Variants in PARM1 observed in about 807,000 individuals in gnomAD.
The protein encoded by PARM1 is WSC4, cell wall integrity and stress response component 4 homolog.
Under a neutral mutation model 24.6 loss-of-function variants are expected in PARM1, and 14 were observed. That is an observed-to-expected ratio of 0.57 (90% CI 0.38 to 0.89). The LOEUF is 0.89. PARM1 is among the 40% of genes least tolerant of loss of function. PARM1 has a pLI of 0.00. For synonymous variants in PARM1, 179 were observed against 156.6 expected (o/e 1.14, Z -1.07); for missense variants, 362 against 380.4 (o/e 0.95, Z 0.40).
In PARM1 at chr4:75,012,898, G is replaced by A. The variant is rs192705593; in HGVS notation, c.517G>A (p.Val173Ile). ...ACCACCTGAGGTCTTTTCTGCCTCC[G>A]TTACTACCAACCATAGCTCCACTGT... ...TSPPEVFSAS[V>I]TTNHSSTVTS... Residue 173 changes from valine (V) to isoleucine (I), a missense_variant, in exon 2 of 4, where the codon GTT becomes ATT. Physicochemically the swap from Val to Ile is conservative, Grantham distance 29. Coordinates refer to ENST00000307428, the MANE Select transcript of PARM1 (RefSeq NM_015393.4). 7.6e-4 allele frequency: 1,221 copies of A among 1,613,826 alleles called. 3 individuals are homozygous for A. Among genetic ancestry groups the A allele is most frequent in the Admixed American group, 1.0e-3 (60 of 60,016 alleles).
Position 75,012,789 on chromosome 4 carries a change from T to C in PARM1, c.408T>C (p.Ala136=), listed in dbSNP as rs912043757. The C allele has an allele frequency of 1.3e-5, 21 of 1,613,996 alleles. No homozygotes were observed. The highest frequency in any genetic ancestry group is 1.6e-5 in the Non-Finnish European group (19 of 1,179,884). ...GCACTCCTGAAGCAGGCGTGGCAGCTACACTGTCGCAGTCCGCTGCTGAGC... is the reference window on the plus strand; with the variant it reads ...GCACTCCTGAAGCAGGCGTGGCAGCCACACTGTCGCAGTCCGCTGCTGAGC... ...SSGTPEAGVA[A]TLSQSAAEPP... is the part of the protein sequence containing the mutation. Residue 136 remains alanine (A), a synonymous_variant, in exon 2 of 4, where the codon GCT becomes GCC. Coordinates refer to ENST00000307428, the MANE Select transcript of PARM1 (RefSeq NM_015393.4).
chr4:74,951,639 A>G (rs1041114302), intron 1 of PARM1, among the ~76,000 whole-genome samples: 3 of 151,186 alleles, frequency 2.0e-5, no homozygotes, highest in African/African-American at 4.9e-5. Flanking sequence ...CTCTGTGTCC[A>G]TGTGTTCTTA....
chr4:74,974,430 G>A (rs1722100393), intron 1 of PARM1, among the ~76,000 whole-genome samples: 1 of 152,154 alleles, frequency 6.6e-6, no homozygotes, highest in South Asian at 2.1e-4. Flanking sequence ...GAGAAGACTT[G>A]TCCAGTTTTT....
chr4:74,976,580 C>T (rs1294224984), intron 1 of PARM1, among the ~76,000 whole-genome samples: 1 of 152,228 alleles, frequency 6.6e-6, no homozygotes, highest in African/African-American at 2.4e-5. Context: ...CAGTGCAGGG[C>T]ACCTGCTCTG....
intron 3 of PARM1, among the ~76,000 whole-genome samples, chr4:75,043,298 T>A (rs1723536922): frequency 1.3e-5 from 2 of 152,242 alleles, no homozygotes; most frequent in Non-Finnish European, 2.9e-5. Flanking sequence ...TTGTATAAGA[T>A]TTATTATATT....
chr4:74,952,885 C>T (rs1296852876), intron 1 of PARM1, among the ~76,000 whole-genome samples: 1 of 152,134 alleles, frequency 6.6e-6, no homozygotes, highest in Non-Finnish European at 1.5e-5. Flanking sequence ...TCTTTCTTTA[C>T]CTGCTTCCTT....
chr4:75,017,287 A>G (rs1006224164), intron 2 of PARM1, among the ~76,000 whole-genome samples: 1 of 152,172 alleles, frequency 6.6e-6, no homozygotes, highest in African/African-American at 2.4e-5. Flanking sequence ...AGAAAAAGCC[A>G]AAGTCTCTAC....
chr4:74,947,663 A>G (rs910809962), intron 1 of PARM1, among the ~76,000 whole-genome samples: 1 of 152,210 alleles, frequency 6.6e-6, no homozygotes, highest in African/African-American at 2.4e-5. Context: ...AAGAAATGCT[A>G]TGATGCTTAG....
At chr4:74,940,019 G>C (rs10518127) in intron 1 of PARM1, among the ~76,000 whole-genome samples, 10,554 of 152,232 alleles carry the variant, frequency 0.069, 418 homozygotes, top group Non-Finnish European at 0.087. Context: ...GGAATTAGAT[G>C]AGAGAGGGTT....
At chr4:74,948,069 C>T (rs937645477) in intron 1 of PARM1, among the ~76,000 whole-genome samples, 3 of 152,198 alleles carry the variant, frequency 2.0e-5, no homozygotes, top group African/African-American at 4.8e-5. Context: ...TGCCACACTC[C>T]TCCATTCTCT....
chr4:74,983,074 T>G (rs920215763), intron 1 of PARM1, among the ~76,000 whole-genome samples: 3 of 152,166 alleles, frequency 2.0e-5, no homozygotes, highest in Admixed American at 2.0e-4. Context: ...CAACTCAGAG[T>G]CTTATACTAA....
intron 1 of PARM1, among the ~76,000 whole-genome samples, 180 bp from the exon 2 acceptor site, chr4:75,012,245 A>G (rs1245789034): frequency 6.6e-6 from 1 of 152,180 alleles, no homozygotes; most frequent in African/African-American, 2.4e-5. Flanking sequence ...TGAGATTTGT[A>G]GAGAAATTGG....
intron 2 of PARM1, among the ~76,000 whole-genome samples, chr4:75,022,333 A>T (rs2109801749): frequency 6.6e-6 from 1 of 152,234 alleles, no homozygotes; most frequent in East Asian, 1.9e-4. Context: ...TATTTTAAGT[A>T]AAAATTATTC....
intron 1 of PARM1, among the ~76,000 whole-genome samples, chr4:74,970,885 G>A (rs1415913684): frequency 6.6e-6 from 1 of 152,128 alleles, no homozygotes; most frequent in East Asian, 1.9e-4. Flanking sequence ...AGGAATCAGG[G>A]GCCTAGTATG....
intron 1 of PARM1, among the ~76,000 whole-genome samples, chr4:74,990,343 A>G (rs888871063): frequency 5.9e-5 from 9 of 152,204 alleles, no homozygotes; most frequent in Non-Finnish European, 1.3e-4. Flanking sequence ...ACTTTCACCT[A>G]TTAGATAGTA....
rs143267016 is a variant in PARM1 at position 75,012,555 on chromosome 4, C to T, written c.174C>T (p.Asn58=). The change falls in exon 2 of 4, where the codon AAC becomes AAT. Residue 58 remains asparagine, a synonymous_variant. Transcript: ENST00000307428. ...ATGCAGACACTGCCTCCCCATCCAACGGCACTCACAACAACTCGGTGCTCC... is the reference window on the plus strand; with the variant it reads ...ATGCAGACACTGCCTCCCCATCCAATGGCACTCACAACAACTCGGTGCTCC... The part of the protein sequence containing the change: ...NTDADTASPS[N]GTHNNSVLPV... 856 of 1,613,938 alleles carry T rather than the reference C, an allele frequency of 5.3e-4. 8 individuals are homozygous for T. The Middle Eastern group carries it at 6.6e-3, about 12-fold the overall frequency.
intron 1 of PARM1, among the ~76,000 whole-genome samples, chr4:74,974,839 C>A (rs1312030206): frequency 6.6e-6 from 1 of 152,076 alleles, no homozygotes; most frequent in African/African-American, 2.4e-5. Context: ...AGAAGAAACA[C>A]CAGAGAGCCT....
chr4:75,015,963 A>G (rs1437160859), intron 2 of PARM1, among the ~76,000 whole-genome samples: 1 of 152,218 alleles, frequency 6.6e-6, no homozygotes, highest in African/African-American at 2.4e-5. Context: ...TGGCAGTAAT[A>G]ACACCACATT....
chr4:75,037,115 T>C (rs1723386726), intron 3 of PARM1, among the ~76,000 whole-genome samples: 1 of 152,200 alleles, frequency 6.6e-6, no homozygotes, highest in African/African-American at 2.4e-5. Flanking sequence ...AAAAATACTT[T>C]AATTGACGTG....
Sources: allele counts gnomAD v4.1 joint callset (sites outside exome capture counted in the v4.1 genomes callset), GRCh38; gene constraint gnomAD v4.1.1; transcripts MANE v1.5; gene names NCBI Gene and HGNC (gene_info 2026-07-23, HGNC 2026-07-21).